The following PPP1R7 variants were observed in gnomAD, a reference collection of about 807,000 sequenced individuals.
PPP1R7 encodes protein phosphatase 1 regulatory subunit 22.
In PPP1R7, 18 loss-of-function variants were observed where a neutral mutation model predicts 45.2. The observed-to-expected ratio is 0.40, with a 90% confidence interval of 0.28 to 0.59. The LOEUF (loss-of-function observed/expected upper bound fraction) is 0.59, where lower values mean the gene tolerates loss of function less well. Ranked by LOEUF, PPP1R7 falls within the 20% of genes least tolerant of loss-of-function variation. The pLI is 0.46. For missense variants in PPP1R7, 314 were observed against 455.8 expected, an observed-to-expected ratio of 0.69 and a Z score of 2.83; for synonymous variants, 181 against 183.4, an observed-to-expected ratio of 0.99 and a Z score of 0.11.
intron 9 of PPP1R7, among the ~76,000 whole-genome samples, chr2:241,170,586 T>A (rs916421054): frequency 1.3e-5 from 2 of 152,220 alleles, no homozygotes; most frequent in Non-Finnish European, 2.9e-5. Context: ...GCTGGGAATG[T>A]AGTAGTGTCC....
chr2:241,154,089 A>G (rs2067386600), intron 2 of PPP1R7, among the ~76,000 whole-genome samples: 4 of 148,324 alleles, frequency 2.7e-5, no homozygotes, highest in African/African-American at 9.9e-5. Context: ...CTGAGGCAGG[A>G]GAACCGCTTG....
chr2:241,169,625 G>T (rs1182445617), intron 8 of PPP1R7, among the ~76,000 whole-genome samples, 156 bp from the exon 9 acceptor site: 1 of 152,158 alleles, frequency 6.6e-6, no homozygotes, highest in Non-Finnish European at 1.5e-5. Flanking sequence ...GAAGCAAGCA[G>T]GTCTCGTCAC....
At chr2:241,169,979 C>T in intron 9 of PPP1R7, 112 bp downstream of exon 9, 1 of 857,838 alleles carries the variant, frequency 1.2e-6, no homozygotes. Context: ...TGCTGAGTGA[C>T]TCCGCACATC....
At chr2:241,172,960 A>G (rs941285588) in intron 9 of PPP1R7, among the ~76,000 whole-genome samples, 1 of 151,402 alleles carries the variant, frequency 6.6e-6, no homozygotes, top group African/African-American at 2.4e-5. Flanking sequence ...TTTCTCCTTT[A>G]TAAAATTTTT....
At chr2:241,181,527 C>A (rs575653234) in intron 9 of PPP1R7, among the ~76,000 whole-genome samples, 2 of 152,096 alleles carry the variant, frequency 1.3e-5, no homozygotes, top group South Asian at 4.2e-4. Context: ...ACATCTCTGG[C>A]AGCTAGAGTG....
At chr2:241,150,190 G>T, upstream of PPP1R7, 2 of 1,273,904 alleles carry the variant, frequency 1.6e-6, no homozygotes, top group Non-Finnish European at 2.0e-6. Flanking sequence ...CTGCCTAGAC[G>T]TCCACTCCGT....
chr2:241,183,459 G>C lies in PPP1R7; in HGVS notation c.*636G>C, dbSNP rs1253452436. ...GTTCTCGCCACATCCCTTGCCTGTG[G>C]GTGAAAGCTCAGGTGTGGGGAGGGT... On this transcript the variant is annotated 3_prime_UTR_variant, in exon 10 of 10. Transcript: ENST00000234038. The C allele has an allele frequency of 2.1e-6, 1 of 471,094 alleles. No homozygotes were observed. Among genetic ancestry groups the C allele is most frequent in the Admixed American group, 2.3e-5 (1 of 42,562 alleles). 29.2% of individuals were successfully genotyped at this position (471,094 alleles called of 1,614,324 possible). A position where few individuals can be genotyped will look rare whatever the true frequency, so the allele number is the denominator to read the frequency against.
chr2:241,181,642 C>T (rs994372776), intron 9 of PPP1R7, among the ~76,000 whole-genome samples: 1 of 152,130 alleles, frequency 6.6e-6, no homozygotes, highest in African/African-American at 2.4e-5. Flanking sequence ...GGGCAGTGGG[C>T]AGTGTGGGCC....
At chr2:241,160,176 G>A (rs2067552150) in intron 5 of PPP1R7, among the ~76,000 whole-genome samples, 156 bp from the exon 6 acceptor site, 1 of 152,182 alleles carries the variant, frequency 6.6e-6, no homozygotes, top group Non-Finnish European at 1.5e-5. Flanking sequence ...TGTGAGCCAG[G>A]CGGCAGCAGG....
chr2:241,150,424 C>T (rs1559412992), upstream of PPP1R7: 4 of 1,375,428 alleles, frequency 2.9e-6, no homozygotes, highest in Non-Finnish European at 3.8e-6. Flanking sequence ...GCAGGGCCGG[C>T]TCTGAGGCGG....
At chr2:241,158,689 T>A in intron 4 of PPP1R7, 140 bp downstream of exon 4, 1 of 769,078 alleles carries the variant, frequency 1.3e-6, no homozygotes, top group Non-Finnish European at 2.2e-6. Context: ...TAGCAGGCCT[T>A]TCTTTACTGG....
At chr2:241,165,502 C>T (rs929413762) in intron 7 of PPP1R7, among the ~76,000 whole-genome samples, 7 of 152,140 alleles carry the variant, frequency 4.6e-5, no homozygotes, top group Admixed American at 3.9e-4. Context: ...ACATGTAATT[C>T]CCATGCATGA....
upstream of PPP1R7, chr2:241,150,245 G>A: frequency 7.8e-7 from 1 of 1,289,066 alleles, no homozygotes; most frequent in South Asian, 2.6e-5. Flanking sequence ...GACTCCCTCT[G>A]CTTTCCTTCC....
intron 2 of PPP1R7, among the ~76,000 whole-genome samples, chr2:241,154,498 G>A (rs1276731696): frequency 6.6e-6 from 1 of 152,086 alleles, no homozygotes; most frequent in African/African-American, 2.4e-5. Context: ...GACCAGCCTG[G>A]CCAACATGGT....
chr2:241,151,673 CT>C (rs1217224994), intron 1 of PPP1R7: 1 of 417,930 alleles, frequency 2.4e-6, no homozygotes, highest in African/African-American at 2.1e-5. Context: ...CTCCCACTCC[CT>C]CTTCAGCTGT....
chr2:241,167,140 T>C, intron 8 of PPP1R7: 7 of 1,408,864 alleles, frequency 5.0e-6, no homozygotes, highest in Non-Finnish European at 6.8e-6. Context: ...CCCAGTGCGG[T>C]GTTCAAGACA....
At chr2:241,174,027 T>C (rs1436891883) in intron 9 of PPP1R7, among the ~76,000 whole-genome samples, 1 of 152,116 alleles carries the variant, frequency 6.6e-6, no homozygotes, top group Admixed American at 6.6e-5. Context: ...GGCTTTATGG[T>C]GTTCAATTGT....
rs778237408 is a variant in PPP1R7, at chr2:241,158,517, A to T, written c.271A>T (p.Ile91Phe). The T allele has an allele frequency of 3.7e-6, 6 of 1,614,116 alleles. No homozygotes were observed. In the East Asian group the frequency reaches 1.3e-4, roughly 36 times the overall value. Residue 91 changes from isoleucine (I) to phenylalanine (F), a missense_variant, in exon 4 of 10, where the codon ATT becomes TTT. Coordinates refer to ENST00000234038, the MANE Select transcript of PPP1R7 (RefSeq NM_002712.3). ...TTTGAATCACTATCGCATAGGGAAG[A>T]TTGAAGGATTTGAGGTACTGAAGAA... The part of the protein sequence containing the change: ...VDLNHYRIGK[I>F]EGFEVLKKVK...
Position 241,159,202 on chromosome 2 carries a change from C to T in PPP1R7, c.304-11C>T. ...TTGCCTGTGTCAATTGTCCCTTTTC[C>T]CATCCCCCAGACTCTCTGCCTCCGC... On this transcript the variant is annotated splice_polypyrimidine_tract_variant and intron_variant, in intron 4 of 9. Transcript: ENST00000234038. 2 of 1,612,506 alleles carry T rather than the reference C, an allele frequency of 1.2e-6. No individual in the cohort carries two copies. Among genetic ancestry groups the T allele is most frequent in the East Asian group, 2.2e-5 (1 of 44,818 alleles).
Sources: gnomAD v4.1 joint callset for allele counts (sites outside exome capture counted in the v4.1 genomes callset) on GRCh38, gnomAD v4.1.1 for gene constraint, MANE v1.5 for transcripts, NCBI Gene and HGNC (gene_info 2026-07-23, HGNC 2026-07-21) for gene names.